Variants in FGFR1OP2 observed in about 807,000 individuals in gnomAD.
The protein encoded by FGFR1OP2 is fibroblast growth factor receptor 1 oncogene partner 2.
FGFR1OP2 carries 17 observed loss-of-function variants against 35.2 expected under a neutral mutation model. The ratio of observed to expected loss-of-function variants is 0.48; its 90% CI spans 0.33 to 0.73. The LOEUF is 0.73. Among genes scored for constraint, FGFR1OP2 ranks in the 30% least tolerant of loss-of-function variants. FGFR1OP2 has a pLI of 0.02. For missense variants in FGFR1OP2, 251 were observed against 307.3 expected, an observed-to-expected ratio of 0.82 and a Z score of 1.37; for synonymous variants, 105 against 104.6, an observed-to-expected ratio of 1.00 and a Z score of -0.03.
intron 1 of FGFR1OP2, among the ~76,000 whole-genome samples, chr12:26,949,340 T>C (rs577044029): frequency 3.0e-3 from 460 of 152,092 alleles, no homozygotes; most frequent in African/African-American, 0.011. Flanking sequence ...TTCATCATGT[T>C]AGGCTGGTCG....
chr12:26,961,791 A>G (rs758516700), intron 5 of FGFR1OP2: 1 of 152,250 alleles, frequency 6.6e-6, no homozygotes, highest in Non-Finnish European at 1.5e-5. Flanking sequence ...GGTCAGTGCC[A>G]TAGGACTGAC....
chr12:26,939,528 A>G (rs1938678791), intron 1 of FGFR1OP2, among the ~76,000 whole-genome samples: 1 of 152,162 alleles, frequency 6.6e-6, no homozygotes, highest in Non-Finnish European at 1.5e-5. Context: ...ATGCGCTTTG[A>G]CAGCTCTGTA....
At chr12:26,946,146 T>A (rs957474379) in intron 1 of FGFR1OP2, among the ~76,000 whole-genome samples, 1 of 152,216 alleles carries the variant, frequency 6.6e-6, no homozygotes, top group South Asian at 2.1e-4. Flanking sequence ...TATGCCTATA[T>A]ATCCCTTCAG....
chr12:26,941,770 A>G (rs1003429646), intron 1 of FGFR1OP2, among the ~76,000 whole-genome samples: 3 of 152,334 alleles, frequency 2.0e-5, no homozygotes, highest in Non-Finnish European at 4.4e-5. Flanking sequence ...CTTCATATAC[A>G]TTCCCATTTC....
chr12:26,956,068 T>A (rs1276585626), intron 2 of FGFR1OP2, among the ~76,000 whole-genome samples: 2 of 152,288 alleles, frequency 1.3e-5, no homozygotes, highest in Non-Finnish European at 1.5e-5. Context: ...CATTAGTGTA[T>A]TTTATGTGCA....
At chr12:26,945,253 T>G (rs991348552) in intron 1 of FGFR1OP2, among the ~76,000 whole-genome samples, 2 of 152,116 alleles carry the variant, frequency 1.3e-5, no homozygotes, top group Non-Finnish European at 2.9e-5. Flanking sequence ...CTATTTACTT[T>G]AGGTTTATTT....
At chr12:26,947,091 C>T (rs73084630) in intron 1 of FGFR1OP2, among the ~76,000 whole-genome samples, 19,461 of 151,870 alleles carry the variant, frequency 0.13, 1,265 homozygotes, top group South Asian at 0.16. Context: ...AATAATATTG[C>T]TGTGAACATT....
At chr12:26,953,884 G>C (rs969116139) in intron 1 of FGFR1OP2, among the ~76,000 whole-genome samples, 8 of 152,176 alleles carry the variant, frequency 5.3e-5, no homozygotes, top group African/African-American at 1.9e-4. Flanking sequence ...TGTAAATTTA[G>C]AGTGTTTTAA....
intron 1 of FGFR1OP2, among the ~76,000 whole-genome samples, chr12:26,939,886 A>T (rs1361246199): frequency 6.6e-6 from 1 of 152,204 alleles, no homozygotes; most frequent in Non-Finnish European, 1.5e-5. Flanking sequence ...CATCCTTTAA[A>T]ATCATAGAAT....
At chr12:26,959,983 C>T (rs997728247) in intron 4 of FGFR1OP2, among the ~76,000 whole-genome samples, 2 of 151,908 alleles carry the variant, frequency 1.3e-5, no homozygotes, top group Non-Finnish European at 2.9e-5. Flanking sequence ...ACAATATTAA[C>T]TGTCATAAGG....
In FGFR1OP2 at chr12:26,960,850, A is replaced by G. The variant is rs543409558; in HGVS notation, c.510+222A>G. The G allele has an allele frequency of 2.0e-5, 10 of 489,630 alleles. No homozygotes were observed. The East Asian group carries it at 3.7e-4, about 18-fold the overall frequency. 30.3% of individuals were successfully genotyped at this position (489,630 alleles called of 1,614,324 possible). On this transcript the variant is annotated intron_variant, in intron 5 of 6. Coordinates refer to ENST00000229395, the MANE Select transcript of FGFR1OP2 (RefSeq NM_015633.3). ...CATGTACAGCCTGTTAGATATTTGC[A>G]GGTTTTATAGGTTATTCAGTCCAAC...
At chr12:26,963,713 ACTT>A (rs368789784) in intron 6 of FGFR1OP2, among the ~76,000 whole-genome samples, 8 of 152,242 alleles carry the variant, frequency 5.3e-5, no homozygotes, top group African/African-American at 1.9e-4. Flanking sequence ...AAGTGAATGT[ACTT>A]CTTCAATTGA....
intron 2 of FGFR1OP2, 125 bp downstream of exon 2, chr12:26,954,418 G>A: frequency 8.7e-7 from 1 of 1,147,972 alleles, no homozygotes; most frequent in African/African-American, 1.6e-5. Context: ...CTTGACTTGT[G>A]TGTTTCAGGT....
At chr12:26,941,273 TAGAG>T (rs1002607793) in intron 1 of FGFR1OP2, among the ~76,000 whole-genome samples, 5 of 152,190 alleles carry the variant, frequency 3.3e-5, no homozygotes, top group African/African-American at 9.7e-5. Context: ...TGAAACTTGT[TAGAG>T]AGTTTGGAAA....
chr12:26,950,213 GTTTTTTTTTTT>G (rs1174799685), intron 1 of FGFR1OP2, among the ~76,000 whole-genome samples: 18 of 50,936 alleles, frequency 3.5e-4, no homozygotes, highest in South Asian at 1.1e-3. Flanking sequence ...TGTATTCGTT[GTTTTTTTTTTT>G]TTTTTTTTTT....
At chr12:26,938,787 G>C (rs1238599273) in intron 1 of FGFR1OP2, 77 bp downstream of exon 1, 1 of 152,296 alleles carries the variant, frequency 6.6e-6, no homozygotes, top group Non-Finnish European at 1.5e-5. Context: ...GTCCTTCGCC[G>C]GGGCCGGTGC....
intron 1 of FGFR1OP2, among the ~76,000 whole-genome samples, chr12:26,950,213 G>GTTGTTTTTT (rs1938898866): frequency 2.4e-4 from 12 of 50,934 alleles, no homozygotes; most frequent in African/African-American, 9.7e-4. Flanking sequence ...TGTATTCGTT[G>GTTGTTTTTT]TTTTTTTTTT....
intron 1 of FGFR1OP2, among the ~76,000 whole-genome samples, chr12:26,949,652 C>T (rs1453477928): frequency 6.6e-6 from 1 of 152,020 alleles, no homozygotes; most frequent in Admixed American, 6.6e-5. Flanking sequence ...GATCTTGGCT[C>T]GCTGCAACCT....
intron 6 of FGFR1OP2, among the ~76,000 whole-genome samples, chr12:26,964,067 A>G (rs1021691875): frequency 1.3e-5 from 2 of 152,138 alleles, no homozygotes; most frequent in African/African-American, 4.8e-5. Flanking sequence ...ACTAACCAAA[A>G]GGAGGCCAGA....
Sources: allele counts gnomAD v4.1 joint callset (sites outside exome capture counted in the v4.1 genomes callset), GRCh38; gene constraint gnomAD v4.1.1; transcripts MANE v1.5; gene names NCBI Gene and HGNC (gene_info 2026-07-23, HGNC 2026-07-21).